AGMO: variants seen among roughly 807,000 people sequenced by gnomAD.
The protein encoded by AGMO is alkylglycerol monooxygenase.
AGMO carries 75 observed loss-of-function variants against 60.2 expected under a neutral mutation model. The observed-to-expected ratio is 1.25, with a 90% confidence interval of 1.03 to 1.51. The LOEUF is 1.51. Ranked by LOEUF, AGMO falls within the 40% of genes most tolerant of loss-of-function variation. The probability of loss-of-function intolerance (pLI) is 0.00; values close to 1 mark genes in which losing one functional copy is unlikely to be tolerated. For missense variants in AGMO, 763 were observed against 525.5 expected, an observed-to-expected ratio of 1.45 and a Z score of -4.42; for synonymous variants, 261 against 177.1, an observed-to-expected ratio of 1.47 and a Z score of -3.76.
intron 12 of AGMO, among the ~76,000 whole-genome samples, chr7:15,226,831 T>C (rs1782097208): frequency 6.6e-6 from 1 of 152,080 alleles, no homozygotes; most frequent in African/African-American, 2.4e-5. Flanking sequence ...GTCTGAAGAA[T>C]TTTTATATTC....
chr7:15,394,530 A>C (rs1289941682), intron 5 of AGMO, among the ~76,000 whole-genome samples: 1 of 152,182 alleles, frequency 6.6e-6, no homozygotes, highest in Non-Finnish European at 1.5e-5. Flanking sequence ...TAACATATCT[A>C]CATAATAACG....
At chr7:15,487,447 A>G (rs1348336214) in intron 3 of AGMO, among the ~76,000 whole-genome samples, 2 of 152,128 alleles carry the variant, frequency 1.3e-5, no homozygotes, top group African/African-American at 4.8e-5. Context: ...TTAATATAGT[A>G]AAGATTAAGA....
chr7:15,285,216 A>T (rs1464096489), intron 12 of AGMO, among the ~76,000 whole-genome samples: 1 of 152,032 alleles, frequency 6.6e-6, no homozygotes, highest in Non-Finnish European at 1.5e-5. Flanking sequence ...TAACACCTGA[A>T]GTCCTAGCTA....
At chr7:15,298,356 CTAAT>C (rs1784463610) in intron 12 of AGMO, among the ~76,000 whole-genome samples, 1 of 152,004 alleles carries the variant, frequency 6.6e-6, no homozygotes, top group Admixed American at 6.6e-5. Context: ...ACTGTATCCT[CTAAT>C]TATCTCATAC....
chr7:15,547,221 T>C (rs1784806107), intron 2 of AGMO, among the ~76,000 whole-genome samples: 1 of 151,438 alleles, frequency 6.6e-6, no homozygotes, highest in Non-Finnish European at 1.5e-5. Context: ...TGTCTCCAGA[T>C]ACTTCCAAGT....
chr7:15,130,268 A>G, the AGMO span, among the ~76,000 whole-genome samples: 1 of 151,812 alleles, frequency 6.6e-6, no homozygotes. Flanking sequence ...TTCATGTTTC[A>G]AAGTGTCATG....
intron 6 of AGMO, among the ~76,000 whole-genome samples, chr7:15,391,559 G>T (rs945065288): frequency 1.3e-5 from 2 of 152,026 alleles, no homozygotes; most frequent in Non-Finnish European, 2.9e-5. Flanking sequence ...TTAAGAAAAA[G>T]AATAATTAAT....
At chr7:15,514,073 T>C (rs764309756) in intron 3 of AGMO, among the ~76,000 whole-genome samples, 2 of 152,206 alleles carry the variant, frequency 1.3e-5, no homozygotes, top group Non-Finnish European at 2.9e-5. Context: ...TACAAGTTTA[T>C]ATCTCCAGTC....
At chr7:15,497,870 T>C (rs941646106) in intron 3 of AGMO, among the ~76,000 whole-genome samples, 4 of 152,034 alleles carry the variant, frequency 2.6e-5, no homozygotes, top group African/African-American at 7.2e-5. Context: ...GAAGCCTTAC[T>C]GGGTTATTTT....
At chr7:15,318,482 G>GA (rs1781009043) in intron 12 of AGMO, among the ~76,000 whole-genome samples, 1 of 152,052 alleles carries the variant, frequency 6.6e-6, no homozygotes. Flanking sequence ...TACTGATCTT[G>GA]AAATCCTAAT....
chr7:15,438,692 T>A (rs1396903574), intron 3 of AGMO, among the ~76,000 whole-genome samples: 1 of 152,116 alleles, frequency 6.6e-6, no homozygotes, highest in Admixed American at 6.5e-5. Context: ...ACTAAGGCCC[T>A]AGGGTACGCA....
the AGMO span, among the ~76,000 whole-genome samples, chr7:15,182,388 G>GA: frequency 6.6e-6 from 1 of 151,956 alleles, no homozygotes; most frequent in Non-Finnish European, 1.5e-5. Context: ...AAAAAATTAG[G>GA]AAAAAAATCA....
chr7:15,411,660 G>A (rs190911593), intron 5 of AGMO, among the ~76,000 whole-genome samples: 8 of 151,548 alleles, frequency 5.3e-5, no homozygotes, highest in South Asian at 2.1e-4. Flanking sequence ...ATTTGATAAC[G>A]AATATGTGCC....
intron 3 of AGMO, among the ~76,000 whole-genome samples, chr7:15,440,621 T>C (rs9942650): frequency 0.36 from 54,815 of 151,968 alleles, 11,242 homozygotes; most frequent in Non-Finnish European, 0.48. Flanking sequence ...TGGTTTCACC[T>C]ATAGGCAGAT....
chr7:15,205,361 T>A (rs530662100), intron 12 of AGMO, among the ~76,000 whole-genome samples: 2 of 152,318 alleles, frequency 1.3e-5, no homozygotes, highest in South Asian at 4.1e-4. Flanking sequence ...AAAGCTTTAA[T>A]GTACTTGAAT....
chr7:15,508,536 T>A (rs1156439681), intron 3 of AGMO, among the ~76,000 whole-genome samples: 5 of 152,076 alleles, frequency 3.3e-5, no homozygotes, highest in African/African-American at 1.2e-4. Flanking sequence ...AATAAACATA[T>A]GCAGGGAACT....
At chr7:15,300,190 C>A (rs1484313653) in intron 12 of AGMO, among the ~76,000 whole-genome samples, 1 of 152,046 alleles carries the variant, frequency 6.6e-6, no homozygotes, top group African/African-American at 2.4e-5. Flanking sequence ...CCCAAGAGAT[C>A]AAGTTAGAAA....
chr7:15,455,536 G>T (rs1265948438), intron 3 of AGMO, among the ~76,000 whole-genome samples: 1 of 152,066 alleles, frequency 6.6e-6, no homozygotes, highest in Non-Finnish European at 1.5e-5. Flanking sequence ...TTTACAAGAT[G>T]CCGCTTTATT....
At chr7:15,474,808 G>A (rs555185535) in intron 3 of AGMO, among the ~76,000 whole-genome samples, 42 of 151,996 alleles carry the variant, frequency 2.8e-4, no homozygotes, top group African/African-American at 1.0e-3. Flanking sequence ...TCTGACAAAG[G>A]GCTAATATCC....
Sources: allele counts gnomAD v4.1 joint callset (sites outside exome capture counted in the v4.1 genomes callset), GRCh38; gene constraint gnomAD v4.1.1; transcripts MANE v1.5; gene names NCBI Gene and HGNC (gene_info 2026-07-23, HGNC 2026-07-21).